The following C2CD3 variants were observed in gnomAD, a reference collection of about 807,000 sequenced individuals.
C2CD3 encodes C2 domain-containing protein 3.
Under a neutral mutation model 234.0 loss-of-function variants are expected in C2CD3, and 148 were observed. That is an observed-to-expected ratio of 0.63 (90% CI 0.55 to 0.72). C2CD3 has a LOEUF of 0.72. Ranked by LOEUF, C2CD3 falls within the 30% of genes least tolerant of loss-of-function variation. The pLI is 0.00. For synonymous variants in C2CD3, 1,000 were observed against 1,035.4 expected (o/e 0.97, Z 0.66); for missense variants, 2,577 against 2,811.5 (o/e 0.92, Z 1.89).
At chr11:74,128,970 C>T (rs1002799722) in intron 7 of C2CD3, 73 of 282,902 alleles carry the variant, frequency 2.6e-4, no homozygotes, top group African/African-American at 1.6e-3. Flanking sequence ...CAGCAACCAT[C>T]CGATTTCTCA....
chr11:74,014,427 T>C (rs1439617131), intron 32 of C2CD3, among the ~76,000 whole-genome samples: 3 of 152,212 alleles, frequency 2.0e-5, no homozygotes, highest in Non-Finnish European at 2.9e-5. Context: ...GAGAGCACAC[T>C]GTACCACTTC....
intron 8 of C2CD3, among the ~76,000 whole-genome samples, chr11:74,121,608 C>CA (rs369249513): frequency 0.2 from 12,272 of 61,200 alleles, 1,338 homozygotes; most frequent in East Asian, 0.35. Context: ...GACTCCGTCT[C>CA]AAAAAAAAAA....
Position 74,103,619 on chromosome 11 carries a change from T to C in C2CD3, c.2092A>G (p.Met698Val), listed in dbSNP as rs1956403184. Residue 698 changes from methionine (M) to valine (V), a missense_variant, in exon 14 of 33, where the codon ATG (methionine) becomes GTG (valine). Coordinates refer to ENST00000334126, the MANE Select transcript of C2CD3 (RefSeq NM_001286577.2). The part of the protein sequence containing the change: ...QSPFGPLKVT[M>V]ELITDNKDFT... ...TCTTTGTTATCTGTAATAAGCTCCA[T>C]GGTTACCTGTAAAACACAAAAGGAG... The C allele has an allele frequency of 1.2e-6, 2 of 1,607,280 alleles. No homozygotes were observed. The highest frequency in any genetic ancestry group is 2.2e-5 in the East Asian group (1 of 44,842).
At position 74,013,368 on chromosome 11, in the gene C2CD3, C is replaced by G. The variant is rs1349579148; in HGVS notation, c.*17G>C. 4.6e-6 allele frequency: 4 copies of G among 867,978 alleles called. No individual in the cohort carries two copies. Among genetic ancestry groups the G allele is most frequent in the Non-Finnish European group, 6.5e-6 (4 of 618,662 alleles). 53.8% of individuals were successfully genotyped at this position (867,978 alleles called of 1,614,324 possible). On this transcript the variant is annotated 3_prime_UTR_variant, in exon 33 of 33. Coordinates refer to ENST00000334126, the MANE Select transcript of C2CD3 (RefSeq NM_001286577.2). ...GGGTGGGCAGGTGTCTCCTTCCCCC[C>G]AGCCCCTCAGGCTGCGTCAGTCTTT...
chr11:74,113,757 C>G, intron 11 of C2CD3, 23 bp downstream of exon 11: 2 of 1,305,346 alleles, frequency 1.5e-6, no homozygotes, highest in Non-Finnish European at 1.1e-6. Context: ...GTCTAAGGTG[C>G]AGAAAACCAG....
Position 74,139,079 on chromosome 11 carries a change from C to T in C2CD3, c.708-112G>A, listed in dbSNP as rs1957962291. On this transcript the variant is annotated intron_variant, in intron 4 of 32. Coordinates refer to ENST00000334126, the MANE Select transcript of C2CD3 (RefSeq NM_001286577.2). ...GGTTTTGGCAAGGTAGTTTGGACCT[C>T]AAAAAGCGTGACTTATTTGCAATAC... The T allele has an allele frequency of 1.4e-5, 11 of 799,308 alleles. No homozygotes were observed. In the South Asian group the frequency reaches 1.8e-4, roughly 13 times the overall value. 49.5% of individuals were successfully genotyped at this position (799,308 alleles called of 1,614,324 possible).
At chr11:74,134,899 T>A (rs1443899671) in intron 5 of C2CD3, among the ~76,000 whole-genome samples, 1 of 152,116 alleles carries the variant, frequency 6.6e-6, no homozygotes, top group Non-Finnish European at 1.5e-5. Flanking sequence ...TTATTTTTTA[T>A]TTTTTTGTAC....
chr11:74,166,173 C>G (rs12574650), intron 2 of C2CD3, among the ~76,000 whole-genome samples: 40,791 of 151,612 alleles, frequency 0.27, 6,538 homozygotes, highest in African/African-American at 0.45. Context: ...AGCTGGGTGT[C>G]GTGGCGGGCA....
chr11:74,023,161 T>C (rs1685340), intron 32 of C2CD3, among the ~76,000 whole-genome samples: 20,910 of 152,176 alleles, frequency 0.14, 4,604 homozygotes, highest in African/African-American at 0.47. Context: ...ATCATTTCAG[T>C]GTGGAGTGAA....
intron 19 of C2CD3, 42 bp from the exon 20 acceptor site, chr11:74,090,978 ATC>A: frequency 6.2e-7 from 1 of 1,607,288 alleles, no homozygotes; most frequent in Non-Finnish European, 8.5e-7. Flanking sequence ...GGTCAGAAGA[ATC>A]TCTGTTCCAC....
intron 9 of C2CD3, among the ~76,000 whole-genome samples, chr11:74,115,542 A>G (rs893780659): frequency 4.6e-5 from 7 of 152,192 alleles, no homozygotes; most frequent in African/African-American, 1.4e-4. Flanking sequence ...GAAAACGACC[A>G]TACTGCCAAA....
At chr11:74,133,579 A>C in intron 5 of C2CD3, 22 bp from the exon 6 acceptor site, 1 of 1,612,710 alleles carries the variant, frequency 6.2e-7, no homozygotes, top group Non-Finnish European at 8.5e-7. Context: ...AAATGCAGAA[A>C]ACAGAAAAAT....
At chr11:74,033,117 G>C (rs1211984747) in intron 31 of C2CD3, among the ~76,000 whole-genome samples, 1 of 152,130 alleles carries the variant, frequency 6.6e-6, no homozygotes, top group Admixed American at 6.5e-5. Flanking sequence ...GATAAATCAG[G>C]GTAGGCTAGG....
rs397943793 is a variant in C2CD3, at chr11:74,085,142, A to ATT, written c.3911-174_3911-173dup. Among the ~76,000 whole-genome samples, 160 of 139,386 alleles carry ATT rather than the reference A, an allele frequency of 1.1e-3. No individual in the cohort carries two copies. In the Middle Eastern group the frequency reaches 0.018, roughly 16 times the overall value. The allele number at this position is 139,386 out of a possible 152,430, so 91.4% of individuals were successfully genotyped here. Reference sequence around the variant, plus strand: ...CCCCAATCAAAGCCTGAATGCCTTCATTTTTTTTTTTTTTTGGCAGGGTCT... The same window carrying ATT: ...CCCCAATCAAAGCCTGAATGCCTTCATTTTTTTTTTTTTTTTTGGCAGGGTCT... On this transcript the variant is annotated intron_variant, in intron 21 of 32. Transcript: ENST00000334126.
chr11:74,021,764 T>C (rs1264531779), intron 32 of C2CD3, among the ~76,000 whole-genome samples: 3 of 152,182 alleles, frequency 2.0e-5, no homozygotes, highest in African/African-American at 7.2e-5. Context: ...GAGTGTGATA[T>C]TACACTGGCT....
chr11:74,014,599 C>T (rs1951812863), intron 32 of C2CD3, among the ~76,000 whole-genome samples: 3 of 152,228 alleles, frequency 2.0e-5, no homozygotes, highest in Admixed American at 2.0e-4. Flanking sequence ...GTTATTCTTT[C>T]TTTCATGTCT....
rs143295032 is a variant in C2CD3 at position 74,103,167 on chromosome 11, T to C, written c.2544A>G (p.Ala848=). 6.4e-5 allele frequency: 103 copies of C among 1,613,924 alleles called. 1 individual carries two copies. The African/African-American group carries it at 1.2e-3, about 19-fold the overall frequency. ...STEEVTRSVI[A]WGTTQPVFNF... is the part of the protein sequence containing the mutation. ...TAAAGACCGGTTGTGTTGTGCCCCA[T>C]GCGATGACAGATCTGGTGACTTCCT... The change falls in exon 14 of 33, where the codon GCA becomes GCG. Residue 848 remains alanine (A), a synonymous_variant. Coordinates refer to ENST00000334126, the MANE Select transcript of C2CD3 (RefSeq NM_001286577.2).
chr11:74,142,816 C>T (rs1337892024), intron 3 of C2CD3, among the ~76,000 whole-genome samples: 1 of 152,150 alleles, frequency 6.6e-6, no homozygotes, highest in African/African-American at 2.4e-5. Context: ...CATTTAGCTC[C>T]CAGATCTTCA....
At chr11:74,162,213 A>T (rs1371026063) in intron 2 of C2CD3, among the ~76,000 whole-genome samples, 1 of 152,238 alleles carries the variant, frequency 6.6e-6, no homozygotes, top group East Asian at 1.9e-4. Context: ...GGTGAAAAAT[A>T]AAGTAATAAA....
Sources: gnomAD v4.1 joint callset for allele counts (sites outside exome capture counted in the v4.1 genomes callset) on GRCh38, gnomAD v4.1.1 for gene constraint, MANE v1.5 for transcripts, NCBI Gene and HGNC (gene_info 2026-07-23, HGNC 2026-07-21) for gene names.